PIK3C2G: variants seen among roughly 807,000 people sequenced by gnomAD.
PIK3C2G encodes phosphatidylinositol 3-kinase C2 domain-containing subunit gamma.
PIK3C2G carries 168 observed loss-of-function variants against 181.1 expected under a neutral mutation model. The observed-to-expected ratio is 0.93, with a 90% CI of 0.82 to 1.05. PIK3C2G has a LOEUF of 1.05. Ranked by LOEUF, PIK3C2G falls within the 50% of genes least tolerant of loss-of-function variation. The pLI, the probability that PIK3C2G is intolerant of heterozygous loss-of-function variation, is 0.00. For synonymous variants in PIK3C2G, 573 were observed against 592.2 expected, an observed-to-expected ratio of 0.97 and a Z score of 0.47; for missense variants, 1,869 against 1,732.8, an observed-to-expected ratio of 1.08 and a Z score of -1.40.
chr12:18,703,099 A>G, the PIK3C2G span, among the ~76,000 whole-genome samples: 1 of 152,206 alleles, frequency 6.6e-6, no homozygotes, highest in Admixed American at 6.5e-5. Context: ...ATTCTCTTCC[A>G]AGAAAGCTGA....
chr12:18,616,383 CA>C (rs930267598), intron 31 of PIK3C2G, among the ~76,000 whole-genome samples: 1 of 152,014 alleles, frequency 6.6e-6, no homozygotes, highest in Non-Finnish European at 1.5e-5. Context: ...AAAATATCCA[CA>C]ATCCAGAAAA....
At chr12:18,524,437 G>T (rs12308652) in intron 24 of PIK3C2G, among the ~76,000 whole-genome samples, 1 of 152,094 alleles carries the variant, frequency 6.6e-6, no homozygotes, top group African/African-American at 2.4e-5. Context: ...GGGTATGGGG[G>T]TAGTGAGGCC....
At chr12:18,373,457 T>G (rs1942213831) in intron 13 of PIK3C2G, among the ~76,000 whole-genome samples, 1 of 152,202 alleles carries the variant, frequency 6.6e-6, no homozygotes, top group Non-Finnish European at 1.5e-5. Flanking sequence ...CCAATGGTGA[T>G]TAAACTCAGA....
intron 18 of PIK3C2G, among the ~76,000 whole-genome samples, chr12:18,467,882 T>C (rs751767880): frequency 4.6e-5 from 7 of 152,038 alleles, no homozygotes; most frequent in Non-Finnish European, 8.8e-5. Context: ...AGCTCTATCT[T>C]GGAATTGACC....
At chr12:18,568,297 G>A (rs1240070996) in intron 29 of PIK3C2G, among the ~76,000 whole-genome samples, 4 of 151,964 alleles carry the variant, frequency 2.6e-5, no homozygotes, top group Non-Finnish European at 4.4e-5. Flanking sequence ...TAAGAGTTTG[G>A]ACGCCAAGCC....
intron 24 of PIK3C2G, among the ~76,000 whole-genome samples, chr12:18,521,218 C>T (rs561972067): frequency 6.6e-6 from 1 of 152,296 alleles, no homozygotes; most frequent in East Asian, 1.9e-4. Context: ...GAGGGTCTCA[C>T]CCAGTTGGGT....
the PIK3C2G span, among the ~76,000 whole-genome samples, chr12:18,654,678 A>T: frequency 2.0e-5 from 3 of 152,204 alleles, no homozygotes; most frequent in Non-Finnish European, 4.4e-5. Flanking sequence ...ATCAGACAAG[A>T]TGATTCCAGT....
the PIK3C2G span, among the ~76,000 whole-genome samples, chr12:18,660,178 G>T: frequency 1.3e-5 from 2 of 152,010 alleles, no homozygotes; most frequent in Non-Finnish European, 2.9e-5. Context: ...GTACATTTAG[G>T]TCAATTTCAG....
intron 18 of PIK3C2G, among the ~76,000 whole-genome samples, chr12:18,453,035 C>T (rs999583037): frequency 6.6e-6 from 1 of 152,016 alleles, no homozygotes; most frequent in Non-Finnish European, 1.5e-5. Flanking sequence ...GAAGAATGTA[C>T]ATTCTGTTCA....
At chr12:18,434,535 T>C (rs1469269344) in intron 18 of PIK3C2G, among the ~76,000 whole-genome samples, 1 of 152,188 alleles carries the variant, frequency 6.6e-6, no homozygotes, top group East Asian at 1.9e-4. Context: ...TAGCATGATG[T>C]TGGAGATGCT....
At chr12:18,632,782 AT>A (rs1565582468) in intron 31 of PIK3C2G, among the ~76,000 whole-genome samples, 1 of 152,200 alleles carries the variant, frequency 6.6e-6, no homozygotes, top group Non-Finnish European at 1.5e-5. Context: ...TCTATTCAGG[AT>A]TTGATGCATT....
chr12:18,699,793 C>T, the PIK3C2G span: 1 of 1,612,826 alleles, frequency 6.2e-7, no homozygotes, highest in Non-Finnish European at 8.5e-7. Context: ...CAAAAATTTA[C>T]CTCGCAATTT....
At chr12:18,422,211 A>T (rs546866499) in intron 17 of PIK3C2G, among the ~76,000 whole-genome samples, 19 of 152,238 alleles carry the variant, frequency 1.2e-4, no homozygotes, top group Non-Finnish European at 2.6e-4. Context: ...AATCTAACAC[A>T]GCAAATACAC....
At chr12:18,296,794 T>C (rs1949960178) in intron 5 of PIK3C2G, among the ~76,000 whole-genome samples, 1 of 152,042 alleles carries the variant, frequency 6.6e-6, no homozygotes, top group African/African-American at 2.4e-5. Flanking sequence ...TAATACAATA[T>C]ATAATGAACA....
intron 12 of PIK3C2G, among the ~76,000 whole-genome samples, chr12:18,363,315 T>C (rs753148783): frequency 1.3e-5 from 2 of 152,044 alleles, no homozygotes; most frequent in Non-Finnish European, 2.9e-5. Flanking sequence ...AACAATCAAG[T>C]TTTTTTGACA....
chr12:18,602,835 A>T (rs1345666507), intron 30 of PIK3C2G, among the ~76,000 whole-genome samples: 2 of 152,292 alleles, frequency 1.3e-5, no homozygotes, highest in East Asian at 3.9e-4. Flanking sequence ...AGAGTACTAC[A>T]TCAAGGAACA....
At chr12:18,414,370 T>C (rs868444163) in intron 16 of PIK3C2G, among the ~76,000 whole-genome samples, 72 of 152,240 alleles carry the variant, frequency 4.7e-4, no homozygotes, top group African/African-American at 1.7e-3. Context: ...ATTAAAGTAA[T>C]CTATGACACC....
At chr12:18,636,568 G>A (rs1949613846) in intron 31 of PIK3C2G, among the ~76,000 whole-genome samples, 1 of 152,114 alleles carries the variant, frequency 6.6e-6, no homozygotes, top group South Asian at 2.1e-4. Flanking sequence ...AATAGCATTT[G>A]CCAGGTCAAT....
At chr12:18,446,369 A>T (rs1947029986) in intron 18 of PIK3C2G, among the ~76,000 whole-genome samples, 1 of 152,120 alleles carries the variant, frequency 6.6e-6, no homozygotes, top group Admixed American at 6.6e-5. Context: ...ATTACAGGGA[A>T]AAAAAGAGAG....
Sources: gnomAD v4.1 joint callset for allele counts (sites outside exome capture counted in the v4.1 genomes callset) on GRCh38, gnomAD v4.1.1 for gene constraint, MANE v1.5 for transcripts, NCBI Gene and HGNC (gene_info 2026-07-23, HGNC 2026-07-21) for gene names.